Variants in ADARB2 observed in about 807,000 individuals in gnomAD.
ADARB2 encodes the protein adenosine deaminase RNA specific B2 (inactive).
In ADARB2, 25 loss-of-function variants were observed where a neutral mutation model predicts 62.2. The observed-to-expected ratio is 0.40, with a 90% CI of 0.29 to 0.56. ADARB2 has a LOEUF of 0.56. ADARB2 is among the 20% of genes least tolerant of loss of function. ADARB2 has a pLI of 0.43. For synonymous variants in ADARB2, 572 were observed against 500.8 expected (o/e 1.14, Z -1.90); for missense variants, 1,071 against 1,077.4 (o/e 0.99, Z 0.08).
rs190798087 is a variant in ADARB2, at chr10:1,353,882, C to T, written c.1077+9146G>A. Among the ~76,000 whole-genome samples the T allele has an allele frequency of 1.9e-3, 297 of 152,322 alleles. 2 individuals are homozygous for T. The highest frequency in any genetic ancestry group is 7.0e-3 in the African/African-American group (291 of 41,568). On this transcript the variant is annotated intron_variant, in intron 3 of 9. Transcript: ENST00000381312. Reference sequence around the variant, plus strand: ...ATTTCACTCCATCCTTGGCTACCTTCCCCTTGCTCATCAGACTCTCCTCCC... The same window carrying T: ...ATTTCACTCCATCCTTGGCTACCTTTCCCTTGCTCATCAGACTCTCCTCCC...
intron 4 of ADARB2, among the ~76,000 whole-genome samples, chr10:1,249,658 C>T (rs550237231): frequency 1.3e-5 from 2 of 151,744 alleles, no homozygotes; most frequent in South Asian, 4.2e-4. Context: ...GAGTATCATG[C>T]TCTATGGGGA....
At chr10:1,356,680 T>C (rs967369393) in intron 3 of ADARB2, among the ~76,000 whole-genome samples, 2 of 152,148 alleles carry the variant, frequency 1.3e-5, no homozygotes, top group African/African-American at 4.8e-5. Flanking sequence ...TTAAAGCCCA[T>C]TCTTTGGAAG....
intron 7 of ADARB2, among the ~76,000 whole-genome samples, chr10:1,215,199 A>G (rs1361573968): frequency 6.6e-6 from 1 of 152,156 alleles, no homozygotes; most frequent in African/African-American, 2.4e-5. Flanking sequence ...ATGGGTAAAC[A>G]GTTGTCCTGT....
At chr10:1,576,151 C>CGGTCACAGGAGGGGGGTTCAG (rs1833017710) in intron 1 of ADARB2, among the ~76,000 whole-genome samples, 3 of 11,574 alleles carry the variant, frequency 2.6e-4, no homozygotes, top group Admixed American at 8.2e-4. Context: ...GGGGGGTCCA[C>CGGTCACAGGAGGGGGGTTCAG]GGTCACAGGA....
chr10:1,391,562 C>T (rs1337483325), intron 1 of ADARB2, among the ~76,000 whole-genome samples: 1 of 152,056 alleles, frequency 6.6e-6, no homozygotes, highest in Non-Finnish European at 1.5e-5. Flanking sequence ...TTTTGGAGTC[C>T]ACTTTGTGGA....
At chr10:1,633,590 A>ATC (rs762691224) in intron 1 of ADARB2, among the ~76,000 whole-genome samples, 2 of 140,914 alleles carry the variant, frequency 1.4e-5, no homozygotes, top group Non-Finnish European at 3.2e-5. Flanking sequence ...CTATCTATCT[A>ATC]TCTATCTATC....
chr10:1,579,048 C>A (rs1286577720), intron 1 of ADARB2, among the ~76,000 whole-genome samples: 1 of 152,176 alleles, frequency 6.6e-6, no homozygotes, highest in African/African-American at 2.4e-5. Flanking sequence ...CAGGATACCA[C>A]GAGGTGGGAG....
intron 1 of ADARB2, among the ~76,000 whole-genome samples, chr10:1,496,727 A>G (rs113981460): frequency 0.14 from 21,016 of 152,156 alleles, 1,669 homozygotes; most frequent in East Asian, 0.19. Context: ...CACCATAATT[A>G]GCATCAACAT....
chr10:1,259,124 A>G (rs1006153593), intron 4 of ADARB2, among the ~76,000 whole-genome samples: 1 of 152,242 alleles, frequency 6.6e-6, no homozygotes, highest in Non-Finnish European at 1.5e-5. Context: ...ACAACATACC[A>G]GAATCTCTGG....
At chr10:1,317,881 A>C (rs1325690790) in intron 3 of ADARB2, among the ~76,000 whole-genome samples, 1 of 151,858 alleles carries the variant, frequency 6.6e-6, no homozygotes, top group African/African-American at 2.4e-5. Flanking sequence ...TCCCGTCTTG[A>C]GCTTGGTACC....
Position 1,426,681 on chromosome 10 carries a change from G to A in ADARB2, c.101-47521C>T, listed in dbSNP as rs1437898460. 6.6e-6 allele frequency among the ~76,000 whole-genome samples: 1 copy of A among 152,186 alleles called. No homozygotes were observed. The highest frequency in any genetic ancestry group is 2.4e-5 in the African/African-American group (1 of 41,454). On this transcript the variant is annotated intron_variant, in intron 1 of 9. Transcript: ENST00000381312. The surrounding 1 kb of genome is among the most constrained non-coding windows in gnomAD (Gnocchi z 4.1). ...CTGAGCTTCTGAGACTCGGAGACCA[G>A]TGAACCTGCTTGCCACCCTGGGCAA... is the stretch of plus-strand genomic sequence containing the variant.
chr10:1,186,255 T>C (rs1836757061), intron 8 of ADARB2, among the ~76,000 whole-genome samples: 1 of 152,208 alleles, frequency 6.6e-6, no homozygotes, highest in East Asian at 1.9e-4. Flanking sequence ...GGCTTCCTCA[T>C]GGACCCAGCA....
intron 1 of ADARB2, among the ~76,000 whole-genome samples, chr10:1,596,299 G>A (rs1207693271): frequency 5.3e-5 from 8 of 152,262 alleles, no homozygotes; most frequent in African/African-American, 1.2e-4. Flanking sequence ...ATTTACTTGT[G>A]GGGAAAAACC....
intron 1 of ADARB2, 124 bp downstream of exon 1, chr10:1,736,927 C>T (rs899614833): frequency 1.0e-6 from 1 of 955,964 alleles, no homozygotes; most frequent in African/African-American, 1.6e-5. Context: ...ACGGAGCAGC[C>T]ATCCCGCCAG....
At chr10:1,377,143 GTGTT>G (rs1169069111) in intron 2 of ADARB2, among the ~76,000 whole-genome samples, 3 of 134,800 alleles carry the variant, frequency 2.2e-5, no homozygotes, top group Non-Finnish European at 4.7e-5. Context: ...TGGGGTGTGT[GTGTT>G]TGTGTGTGCT....
intron 8 of ADARB2, among the ~76,000 whole-genome samples, chr10:1,194,460 A>G (rs1836880733): frequency 2.0e-5 from 3 of 152,240 alleles, no homozygotes; most frequent in Admixed American, 6.5e-5. Context: ...TTCTTAAAAT[A>G]AATATCTATC....
chr10:1,254,473 CTT>C (rs1831063389), intron 4 of ADARB2, among the ~76,000 whole-genome samples: 1 of 152,192 alleles, frequency 6.6e-6, no homozygotes, highest in African/African-American at 2.4e-5. Context: ...TCAGAGGAAT[CTT>C]TTGGTCACTG....
intron 3 of ADARB2, among the ~76,000 whole-genome samples, chr10:1,344,975 G>A (rs1832065272): frequency 6.6e-6 from 1 of 152,198 alleles, no homozygotes; most frequent in South Asian, 2.1e-4. Flanking sequence ...GGACTTGGTG[G>A]CACCAAAGAG....
At chr10:1,512,142 C>T (rs565524362) in intron 1 of ADARB2, among the ~76,000 whole-genome samples, 3 of 151,268 alleles carry the variant, frequency 2.0e-5, no homozygotes, top group East Asian at 2.0e-4. Context: ...AACAAGACAT[C>T]GATGCTGTCC....
Sources: gnomAD v4.1 joint callset for allele counts (sites outside exome capture counted in the v4.1 genomes callset) on GRCh38, gnomAD v4.1.1 for gene constraint, Gnocchi (gnomAD v3.1) non-coding constraint, MANE v1.5 for transcripts, NCBI Gene and HGNC (gene_info 2026-07-23, HGNC 2026-07-21) for gene names.